The following DENND1B variants were observed in gnomAD, a reference collection of about 807,000 sequenced individuals.
DENND1B encodes DENN domain containing 1B, also known as DENN domain-containing protein 1B.
In DENND1B, 59 loss-of-function variants were observed where a neutral mutation model predicts 90.1. The ratio of observed to expected loss-of-function variants is 0.65; its 90% confidence interval spans 0.53 to 0.81. The LOEUF is 0.81. Among genes scored for constraint, DENND1B ranks in the 40% least tolerant of loss-of-function variants. The probability of loss-of-function intolerance (pLI) is 0.00; values close to 1 mark genes in which losing one functional copy is unlikely to be tolerated. For synonymous variants in DENND1B, 337 were observed against 324.6 expected, an observed-to-expected ratio of 1.04 and a Z score of -0.41; for missense variants, 862 against 912.6, an observed-to-expected ratio of 0.94 and a Z score of 0.71.
At chr1:197,663,029 T>G (rs1654577678) in intron 5 of DENND1B, among the ~76,000 whole-genome samples, 1 of 152,090 alleles carries the variant, frequency 6.6e-6, no homozygotes, top group Non-Finnish European at 1.5e-5. Context: ...TGGATAAAAA[T>G]TTTGAAAAGG....
At chr1:197,644,356 G>C (rs544818395) in intron 9 of DENND1B, among the ~76,000 whole-genome samples, 1 of 152,206 alleles carries the variant, frequency 6.6e-6, no homozygotes, top group South Asian at 2.1e-4. Context: ...TTTTTCCTTT[G>C]AATGTTTGTT....
chr1:197,527,318 G>A (rs6684448), intron 20 of DENND1B, among the ~76,000 whole-genome samples: 4 of 148,232 alleles, frequency 2.7e-5, no homozygotes, highest in African/African-American at 9.9e-5. Flanking sequence ...TTTTGTTTTT[G>A]TTTTTTTTCT....
Position 197,681,955 on chromosome 1 carries a change from TTTTTTGTTTTTG to T in DENND1B, c.127-7798_127-7787del, listed in dbSNP as rs554186105. Among the ~76,000 whole-genome samples the T allele has an allele frequency of 3.6e-3, 549 of 152,164 alleles. 2 individuals are homozygous for T. Among genetic ancestry groups the T allele is most frequent in the Non-Finnish European group, 6.4e-3 (432 of 67,968 alleles). On this transcript the variant is annotated intron_variant, in intron 3 of 22. Transcript: ENST00000620048. ...GCAATAAATTATAATTAACCTTGGT[TTTTTTGTTTTTG>T]TTTTTGTTTTTGTTTTTCTGGTCCT... is the stretch of plus-strand genomic sequence containing the variant.
chr1:197,778,720 TA>T (rs1657358005), upstream of DENND1B, among the ~76,000 whole-genome samples: 1 of 152,098 alleles, frequency 6.6e-6, no homozygotes, highest in African/African-American at 2.4e-5. Flanking sequence ...CTGATAAATT[TA>T]AATCTATTTC....
intron 3 of DENND1B, 85 bp downstream of exon 3, chr1:197,714,946 G>A (rs768570901): frequency 6.1e-6 from 6 of 988,726 alleles, no homozygotes; most frequent in South Asian, 1.4e-5. Flanking sequence ...TTCACTAGTA[G>A]TTATACTAGC....
chr1:197,555,728 G>C (rs1179579811), intron 15 of DENND1B, among the ~76,000 whole-genome samples: 1 of 152,098 alleles, frequency 6.6e-6, no homozygotes, highest in African/African-American at 2.4e-5. Context: ...AATTTGTGGA[G>C]AAAGGGAACA....
chr1:197,716,356 T>C (rs906506117), intron 2 of DENND1B, among the ~76,000 whole-genome samples: 2 of 151,598 alleles, frequency 1.3e-5, no homozygotes, highest in African/African-American at 4.8e-5. Context: ...AATCAATAAT[T>C]TAAAACATCT....
intron 10 of DENND1B, among the ~76,000 whole-genome samples, chr1:197,637,608 C>A (rs898750483): frequency 1.3e-5 from 2 of 152,262 alleles, no homozygotes; most frequent in Admixed American, 1.3e-4. Context: ...TACCATTTCC[C>A]CACTCCAGTC....
At chr1:197,758,418 C>T (rs747605265) in intron 2 of DENND1B, among the ~76,000 whole-genome samples, 2 of 152,052 alleles carry the variant, frequency 1.3e-5, no homozygotes, top group Non-Finnish European at 2.9e-5. Flanking sequence ...TTTTTTCATA[C>T]GGCTAACAAC....
chr1:197,733,258 G>C (rs927525168), intron 2 of DENND1B, among the ~76,000 whole-genome samples: 4 of 151,982 alleles, frequency 2.6e-5, no homozygotes, highest in African/African-American at 7.2e-5. Flanking sequence ...AAACACCTAT[G>C]TTTAAGAATA....
chr1:197,780,973 A>G, the DENND1B span, among the ~76,000 whole-genome samples: 1 of 152,060 alleles, frequency 6.6e-6, no homozygotes, highest in African/African-American at 2.4e-5. Context: ...TAGAAAGGTA[A>G]CTCCTGGCTT....
intron 13 of DENND1B, among the ~76,000 whole-genome samples, chr1:197,597,823 C>CT (rs1359178918): frequency 6.6e-6 from 1 of 151,762 alleles, no homozygotes; most frequent in Non-Finnish European, 1.5e-5. Context: ...AGGTAGCTAT[C>CT]AGTCATATAC....
intron 3 of DENND1B, among the ~76,000 whole-genome samples, chr1:197,692,396 C>T (rs773872616): frequency 1.3e-5 from 2 of 150,080 alleles, no homozygotes; most frequent in Non-Finnish European, 2.9e-5. Flanking sequence ...GCATAGTATA[C>T]AAAGTTCTTC....
At chr1:197,623,299 G>A (rs996636569) in intron 10 of DENND1B, among the ~76,000 whole-genome samples, 4 of 151,390 alleles carry the variant, frequency 2.6e-5, no homozygotes, top group African/African-American at 7.3e-5. Flanking sequence ...ACAGTAAACT[G>A]TTGCAGATGG....
chr1:197,626,263 T>G (rs964564329), intron 10 of DENND1B, among the ~76,000 whole-genome samples: 1 of 152,022 alleles, frequency 6.6e-6, no homozygotes, highest in Admixed American at 6.6e-5. Flanking sequence ...ATTGACCACA[T>G]AGTTGGAAGT....
Position 197,510,879 on chromosome 1 carries a change from C to G in DENND1B, c.1909G>C (p.Ala637Pro). 1 of 1,609,622 alleles carries G rather than the reference C, an allele frequency of 6.2e-7. No homozygotes were observed. Among genetic ancestry groups the G allele is most frequent in the Non-Finnish European group, 8.5e-7 (1 of 1,177,968 alleles). The change falls in exon 23 of 23, where the codon GCC (alanine) becomes CCC (proline). Residue 637 changes from alanine to proline, a missense_variant. Physicochemically the swap from Ala to Pro is conservative, Grantham distance 27. Coordinates refer to ENST00000620048, the MANE Select transcript of DENND1B (RefSeq NM_001195215.2). ...AEWNLGQDDS[A>P]LHGKHLPPSP... ...GGAGGGAGGTGTTTGCCATGGAGGG[C>G]ACTATCGTCTTGCCCAAGATTCCAC... is the stretch of plus-strand genomic sequence containing the variant.
At chr1:197,572,813 T>C (rs981616057) in intron 15 of DENND1B, among the ~76,000 whole-genome samples, 17 of 152,124 alleles carry the variant, frequency 1.1e-4, no homozygotes, top group Non-Finnish European at 2.5e-4. Flanking sequence ...CCAACCGACC[T>C]GCAGCTGAGG....
chr1:197,753,400 G>C (rs1653820899), intron 2 of DENND1B, among the ~76,000 whole-genome samples: 1 of 152,102 alleles, frequency 6.6e-6, no homozygotes, highest in African/African-American at 2.4e-5. Context: ...TTGGAGGTAA[G>C]AAGGGATGAA....
intron 2 of DENND1B, among the ~76,000 whole-genome samples, chr1:197,727,806 T>C (rs1376961918): frequency 6.6e-6 from 1 of 152,142 alleles, no homozygotes; most frequent in East Asian, 1.9e-4. Context: ...GGCTCCTTTA[T>C]GTTCCACTAA....
Sources: allele counts gnomAD v4.1 joint callset (sites outside exome capture counted in the v4.1 genomes callset), GRCh38; gene constraint gnomAD v4.1.1; transcripts MANE v1.5; gene names NCBI Gene and HGNC (gene_info 2026-07-23, HGNC 2026-07-21).